The following SYN3 variants were observed in gnomAD, a reference collection of about 807,000 sequenced individuals.
SYN3 encodes the protein synapsin-3.
SYN3 carries 35 observed loss-of-function variants against 65.8 expected under a neutral mutation model. The observed-to-expected ratio is 0.53, with a 90% CI of 0.41 to 0.70. SYN3 has a LOEUF of 0.70. Ranked by LOEUF, SYN3 falls within the 30% of genes least tolerant of loss-of-function variation. The pLI is 0.00. For missense variants in SYN3, 680 were observed against 749.0 expected, an observed-to-expected ratio of 0.91 and a Z score of 1.08; for synonymous variants, 270 against 292.9, an observed-to-expected ratio of 0.92 and a Z score of 0.80.
intron 6 of SYN3, chr22:32,863,182 C>CTGG (rs1213810504): frequency 6.6e-6 from 1 of 152,524 alleles, no homozygotes; most frequent in East Asian, 1.9e-4. Context: ...CCCCACCCTG[C>CTGG]TCCAGTCCTT....
At chr22:32,747,568 G>A (rs2044975492) in intron 6 of SYN3, among the ~76,000 whole-genome samples, 1 of 152,166 alleles carries the variant, frequency 6.6e-6, no homozygotes, top group African/African-American at 2.4e-5. Context: ...CTATTTTACA[G>A]ATGAGGAAAG....
At chr22:32,639,275 T>C (rs1247218105) in intron 6 of SYN3, among the ~76,000 whole-genome samples, 1 of 152,134 alleles carries the variant, frequency 6.6e-6, no homozygotes, top group African/African-American at 2.4e-5. Context: ...TTTTTTTACA[T>C]GGTGAAAGGT....
At chr22:32,822,937 AAACAGAG>A (rs2047295815) in intron 6 of SYN3, among the ~76,000 whole-genome samples, 1 of 151,724 alleles carries the variant, frequency 6.6e-6, no homozygotes, top group Admixed American at 6.6e-5. Flanking sequence ...AACAAAAAAA[AAACAGAG>A]AGAGAGAGAT....
chr22:32,758,131 T>A (rs971125216), intron 6 of SYN3, among the ~76,000 whole-genome samples: 1 of 152,236 alleles, frequency 6.6e-6, no homozygotes, highest in Non-Finnish European at 1.5e-5. Flanking sequence ...TATCAGCATT[T>A]AAATATTGTT....
chr22:33,028,540 A>C (rs1023282169), intron 1 of SYN3, among the ~76,000 whole-genome samples: 19 of 152,130 alleles, frequency 1.2e-4, no homozygotes, highest in Admixed American at 9.2e-4. Flanking sequence ...TGTAATTTCC[A>C]GTCTCCAGGC....
intron 6 of SYN3, among the ~76,000 whole-genome samples, chr22:32,679,718 T>C (rs1384642756): frequency 6.6e-6 from 1 of 152,140 alleles, no homozygotes; most frequent in Non-Finnish European, 1.5e-5. Flanking sequence ...TTTTGTTTCC[T>C]AATGATTAGC....
chr22:32,777,008 T>A (rs5754268), intron 6 of SYN3, among the ~76,000 whole-genome samples: 107,166 of 151,764 alleles, frequency 0.71, 38,385 homozygotes, highest in African/African-American at 0.83. Context: ...GATCACTAGA[T>A]GTCACGTGAG....
chr22:32,643,189 T>G (rs1273719106), intron 6 of SYN3, among the ~76,000 whole-genome samples: 2 of 152,276 alleles, frequency 1.3e-5, no homozygotes, highest in East Asian at 3.9e-4. Flanking sequence ...GCAATTCTCC[T>G]GCCTCAGCCC....
intron 6 of SYN3, among the ~76,000 whole-genome samples, chr22:32,737,194 C>T (rs535112349): frequency 2.4e-4 from 36 of 152,312 alleles, no homozygotes; most frequent in Admixed American, 4.6e-4. Flanking sequence ...ATATTTATCA[C>T]CCAAACCTCA....
chr22:32,848,073 T>C lies in SYN3; in HGVS notation c.711+16842A>G, dbSNP rs529407898. Reference sequence around the variant, plus strand: ...CAAGACCTGTCCATTTGCTCCTCCATGTGCCAATTTTACAAATACCTGAAG... The same window carrying C: ...CAAGACCTGTCCATTTGCTCCTCCACGTGCCAATTTTACAAATACCTGAAG... On this transcript the variant is annotated intron_variant, in intron 6 of 13. Transcript: ENST00000358763. Among the ~76,000 whole-genome samples, 26 of 152,358 alleles carry C rather than the reference T, an allele frequency of 1.7e-4. 1 individual carries two copies. The highest frequency in any genetic ancestry group is 5.5e-4 in the African/African-American group (23 of 41,590).
chr22:32,903,165 G>T (rs2049808651), intron 4 of SYN3, among the ~76,000 whole-genome samples: 1 of 152,154 alleles, frequency 6.6e-6, no homozygotes, highest in Non-Finnish European at 1.5e-5. Context: ...ACACTCCTGT[G>T]ACTGACCTTG....
In SYN3 at chr22:32,940,681, G is replaced by A. The variant is rs574600018; in HGVS notation, c.370-9200C>T. 3.1e-4 allele frequency among the ~76,000 whole-genome samples: 47 copies of A among 152,210 alleles called. 1 individual carries two copies. In the South Asian group the frequency reaches 4.6e-3, roughly 15 times the overall value. On this transcript the variant is annotated intron_variant, in intron 3 of 13. Transcript: ENST00000358763. ...CAACCACCAAGTCACTTCATAGGTG[G>A]CAGTCTATTTCTAAATTCTCTATTT...
intron 3 of SYN3, among the ~76,000 whole-genome samples, chr22:32,941,844 C>T (rs1414417479): frequency 2.0e-5 from 3 of 152,248 alleles, no homozygotes; most frequent in African/African-American, 7.2e-5. Flanking sequence ...CGGAGCCTCG[C>T]TCATTGCCAG....
rs772745251 is a variant in SYN3 at position 32,518,286 on chromosome 22, G to A, written c.1367C>T (p.Pro456Leu). 5 of 1,610,904 alleles carry A rather than the reference G, an allele frequency of 3.1e-6. No individual in the cohort carries two copies. The highest frequency in any genetic ancestry group is 4.2e-6 in the Non-Finnish European group (5 of 1,178,186). The change falls in exon 13 of 14, where the codon CCC (proline) becomes CTC (leucine). Residue 456 changes from proline to leucine, a missense_variant. Physicochemically the swap from Pro to Leu is moderately conservative, Grantham distance 98. Coordinates refer to ENST00000358763, the MANE Select transcript of SYN3 (RefSeq NM_003490.4). ...TTGTGGGGAGAGCCTCTGTTGGGAG[G>A]GGCTTCCAGATCTCTGGGGCTGAGG... is the stretch of plus-strand genomic sequence containing the variant. ...QSPQPQRSGS[P>L]SQQRLSPQGQ...
At chr22:32,805,305 G>T (rs943721267) in intron 6 of SYN3, among the ~76,000 whole-genome samples, 1 of 152,180 alleles carries the variant, frequency 6.6e-6, no homozygotes, top group Non-Finnish European at 1.5e-5. Context: ...ACAGGGGCCA[G>T]TGCCAGCAGA....
At chr22:32,788,505 C>T (rs1170545947) in intron 6 of SYN3, among the ~76,000 whole-genome samples, 1 of 151,492 alleles carries the variant, frequency 6.6e-6, no homozygotes, top group East Asian at 1.9e-4. Context: ...CGTGCCACTG[C>T]ACTCCAGCCC....
At chr22:32,605,651 GA>G (rs2059362147) in intron 6 of SYN3, among the ~76,000 whole-genome samples, 1 of 152,180 alleles carries the variant, frequency 6.6e-6, no homozygotes, top group African/African-American at 2.4e-5. Flanking sequence ...GAAGAGCTAG[GA>G]TTCAGCCAGA....
chr22:32,807,347 A>AT (rs1491577264), intron 6 of SYN3, among the ~76,000 whole-genome samples: 16,017 of 33,434 alleles, frequency 0.48, 1,384 homozygotes, highest in Middle Eastern at 0.56. Context: ...TATAATATAT[A>AT]AATATATAAT....
intron 6 of SYN3, among the ~76,000 whole-genome samples, chr22:32,747,578 G>A (rs1223805271): frequency 1.3e-5 from 2 of 152,182 alleles, no homozygotes; most frequent in African/African-American, 2.4e-5. Context: ...GATGAGGAAA[G>A]TGAGGCTCAG....
Sources: allele counts gnomAD v4.1 joint callset (sites outside exome capture counted in the v4.1 genomes callset), GRCh38; gene constraint gnomAD v4.1.1; transcripts MANE v1.5; gene names NCBI Gene and HGNC (gene_info 2026-07-23, HGNC 2026-07-21).